DIAPH2: variants seen among roughly 807,000 people sequenced by gnomAD.
DIAPH2 encodes the protein diaphanous related formin 2.
A neutral mutation model predicts 92.7 loss-of-function variants in DIAPH2; 35 were observed. The observed-to-expected ratio is 0.38, with a 90% CI of 0.29 to 0.50. The LOEUF (loss-of-function observed/expected upper bound fraction) is 0.50, where lower values mean the gene tolerates loss of function less well. Among genes scored for constraint, DIAPH2 ranks in the 20% least tolerant of loss-of-function variants. DIAPH2 has a pLI of 0.94. For missense variants in DIAPH2, 701 were observed against 819.5 expected, an observed-to-expected ratio of 0.86 and a Z score of 1.77; for synonymous variants, 301 against 280.4, an observed-to-expected ratio of 1.07 and a Z score of -0.73.
At chrX:96,962,286 CATATATATATATACATATATATATACAT>C (rs2065855038) in intron 16 of DIAPH2, among the ~76,000 whole-genome samples, 1 of 59,759 alleles carries the variant, frequency 1.7e-5, no homozygotes, top group East Asian at 4.3e-4. Flanking sequence ...TATATATATA[CATATATATATATACATATATATATACAT>C]ATATATATAC....
At chrX:97,579,513 T>C (rs1361414330) in intron 26 of DIAPH2, among the ~76,000 whole-genome samples, 4 of 111,351 alleles carry the variant, frequency 3.6e-5, no homozygotes, top group African/African-American at 1.3e-4. Context: ...CTCTGTTCTG[T>C]TCCATTGATC....
intron 23 of DIAPH2, among the ~76,000 whole-genome samples, chrX:97,252,973 T>C (rs755550521): frequency 7.2e-5 from 8 of 111,181 alleles, no homozygotes; most frequent in Admixed American, 6.8e-4. Context: ...ATGCATACAT[T>C]GAGAAGCAAA....
intron 1 of DIAPH2, among the ~76,000 whole-genome samples, chrX:96,726,482 T>C (rs1236807102): frequency 2.7e-5 from 3 of 111,875 alleles, no homozygotes; most frequent in African/African-American, 9.7e-5. Context: ...TATCCTTAGC[T>C]GAGAGCAGAA....
intron 1 of DIAPH2, among the ~76,000 whole-genome samples, chrX:96,708,607 C>G (rs963526945): frequency 2.1e-4 from 23 of 111,980 alleles, no homozygotes; most frequent in African/African-American, 7.5e-4. Flanking sequence ...ATTTCTGTCA[C>G]ATCTCTGCTG....
chrX:97,214,836 TAAAAAAAAAA>T (rs368311868), intron 22 of DIAPH2, among the ~76,000 whole-genome samples: 5 of 62,810 alleles, frequency 8.0e-5, no homozygotes, highest in African/African-American at 1.8e-4. Flanking sequence ...CGTCTCAAAT[TAAAAAAAAAA>T]AAAAAAAAAA....
At chrX:97,470,497 T>C (rs939313687) in intron 26 of DIAPH2, among the ~76,000 whole-genome samples, 9 of 111,207 alleles carry the variant, frequency 8.1e-5, no homozygotes, top group African/African-American at 2.9e-4. Context: ...CATAGCACAG[T>C]GATTTCTTTA....
intron 4 of DIAPH2, among the ~76,000 whole-genome samples, chrX:96,761,271 C>A (rs756018158): frequency 1.8e-5 from 2 of 109,485 alleles, no homozygotes; most frequent in African/African-American, 3.3e-5. Context: ...GAATTTAAAT[C>A]ATAATCTTTG....
chrX:97,440,749 T>C (rs371191330), intron 26 of DIAPH2, among the ~76,000 whole-genome samples: 61 of 110,248 alleles, frequency 5.5e-4, no homozygotes, highest in African/African-American at 1.9e-3. Flanking sequence ...AGAGATTACA[T>C]GGACATAGAG....
At chrX:97,175,478 A>C (rs1427639564) in intron 22 of DIAPH2, among the ~76,000 whole-genome samples, 2 of 112,279 alleles carry the variant, frequency 1.8e-5, no homozygotes, top group South Asian at 7.3e-4. Context: ...AACAACTAAA[A>C]ATTTCTCAAA....
At chrX:97,589,009 A>ATATATATATATATATG in intron 26 of DIAPH2, among the ~76,000 whole-genome samples, 1 of 72,077 alleles carries the variant, frequency 1.4e-5, no homozygotes, top group Non-Finnish European at 2.7e-5. Context: ...ATATATATAT[A>ATATATATATATATATG]TATATATATA....
intron 26 of DIAPH2, among the ~76,000 whole-genome samples, chrX:97,433,569 G>A (rs764847057): frequency 1.0e-3 from 111 of 110,545 alleles, no homozygotes; most frequent in African/African-American, 3.4e-3. Context: ...CCAGATAGTC[G>A]AAATGTACAC....
At chrX:97,227,816 GA>G (rs1390983249) in intron 22 of DIAPH2, among the ~76,000 whole-genome samples, 3 of 112,121 alleles carry the variant, frequency 2.7e-5, no homozygotes, top group Non-Finnish European at 5.6e-5. Flanking sequence ...TATAAGGCAT[GA>G]TTATGTAAAA....
Position 97,599,250 on chromosome X carries a change from C to T in DIAPH2, c.3242-3C>T, listed in dbSNP as rs534364909. On this transcript the variant is annotated splice_polypyrimidine_tract_variant and splice_region_variant and intron_variant, in intron 26 of 26. Coordinates refer to ENST00000324765, the MANE Select transcript of DIAPH2 (RefSeq NM_006729.5). ...TTTGGTCCTTTTTCTGTTTGTCTTA[C>T]AGATAACAGACGAGTACCTTTGGAA... is the stretch of plus-strand genomic sequence containing the variant. 2.2e-5 allele frequency: 26 copies of T among 1,180,681 alleles called. No homozygotes were observed. The Admixed American group carries it at 5.8e-4, about 27-fold the overall frequency.
intron 4 of DIAPH2, among the ~76,000 whole-genome samples, chrX:96,783,343 G>A (rs1217894279): frequency 8.9e-6 from 1 of 112,328 alleles, no homozygotes; most frequent in Non-Finnish European, 1.9e-5. Context: ...CAGAAGCCTA[G>A]GGCTTCTTGG....
intron 26 of DIAPH2, among the ~76,000 whole-genome samples, chrX:97,445,913 G>T (rs929934623): frequency 3.3e-4 from 35 of 107,445 alleles, no homozygotes; most frequent in Admixed American, 1.0e-4. Flanking sequence ...TTTATGGGGG[G>T]GAAAAAAAAC....
At chrX:96,888,197 A>G (rs1297507805) in intron 5 of DIAPH2, among the ~76,000 whole-genome samples, 1 of 109,038 alleles carries the variant, frequency 9.2e-6, no homozygotes, top group Non-Finnish European at 1.9e-5. Context: ...ACTAGCTGGG[A>G]TTACAGGTGC....
chrX:97,153,083 C>T (rs959074957), intron 22 of DIAPH2, among the ~76,000 whole-genome samples: 4 of 111,412 alleles, frequency 3.6e-5, no homozygotes, highest in Admixed American at 2.9e-4. Flanking sequence ...CTCATTTGTA[C>T]AAAAATTTTC....
intron 26 of DIAPH2, among the ~76,000 whole-genome samples, chrX:97,536,814 A>C (rs1293728655): frequency 2.7e-5 from 3 of 111,333 alleles, no homozygotes; most frequent in African/African-American, 9.8e-5. Context: ...ATTATATAAA[A>C]ATTATACGAA....
intron 25 of DIAPH2, among the ~76,000 whole-genome samples, chrX:97,426,903 G>C (rs141521715): frequency 3.6e-5 from 4 of 111,211 alleles, no homozygotes; most frequent in African/African-American, 1.3e-4. Flanking sequence ...TTGGCCAGGC[G>C]CAGTAGCTCA....
Sources: gnomAD v4.1 joint callset for allele counts (sites outside exome capture counted in the v4.1 genomes callset) on GRCh38, gnomAD v4.1.1 for gene constraint, MANE v1.5 for transcripts, NCBI Gene and HGNC (gene_info 2026-07-23, HGNC 2026-07-21) for gene names.